Variants in MFSD8 observed in about 807,000 individuals in gnomAD.
The protein encoded by MFSD8 is major facilitator superfamily domain containing 8.
Under a neutral mutation model 66.4 loss-of-function variants are expected in MFSD8, and 55 were observed. That is an observed-to-expected ratio of 0.83 (90% CI 0.67 to 1.04). The LOEUF (loss-of-function observed/expected upper bound fraction) is 1.04. Ranked by LOEUF, MFSD8 falls within the 50% of genes least tolerant of loss-of-function variation. The pLI is 0.00. For missense variants in MFSD8, 550 were observed against 627.6 expected (o/e 0.88, Z 1.32); for synonymous variants, 202 against 212.8 (o/e 0.95, Z 0.44).
chr4:127,940,147 TG>T, intron 5 of MFSD8, 150 bp from the exon 6 acceptor site: 3 of 774,482 alleles, frequency 3.9e-6, no homozygotes, highest in South Asian at 1.8e-5. Flanking sequence ...TGGTTCTTGA[TG>T]GGGGGTCAAA....
At chr4:127,948,334 G>T (rs1056155120) in intron 3 of MFSD8, among the ~76,000 whole-genome samples, 22 of 152,104 alleles carry the variant, frequency 1.4e-4, no homozygotes, top group African/African-American at 5.3e-4. Context: ...GCAGCTTCCT[G>T]ATACGATCTC....
At chr4:127,935,100 C>T (rs186678431) in intron 7 of MFSD8, among the ~76,000 whole-genome samples, 28 of 152,158 alleles carry the variant, frequency 1.8e-4, no homozygotes, top group African/African-American at 6.7e-4. Context: ...AATTAAGCAC[C>T]TTGGATGCTC....
chr4:127,918,425 G>A lies in MFSD8; in HGVS notation c.*2205C>T, dbSNP rs983411960. On this transcript the variant is annotated 3_prime_UTR_variant, in exon 12 of 12. Transcript: ENST00000641686. ...AGGAAAGTAAGAGTCATTTGTGTAAGGTTAAGTTTATCTAAATTTTAATCA... is the reference window on the plus strand; with the variant it reads ...AGGAAAGTAAGAGTCATTTGTGTAAAGTTAAGTTTATCTAAATTTTAATCA... The A allele has an allele frequency of 6.6e-6, 1 of 151,964 alleles. No homozygotes were observed. The highest frequency in any genetic ancestry group is 1.5e-5 in the Non-Finnish European group (1 of 68,004). The allele number at this position is 151,964 out of a possible 1,614,324, so 9.4% of individuals were successfully genotyped here. A position where few individuals can be genotyped will look rare whatever the true frequency, so the allele number is the denominator to read the frequency against.
chr4:127,965,535 GA>G, upstream of MFSD8: 1 of 301,278 alleles, frequency 3.3e-6, no homozygotes. Context: ...TTGAGTCCTG[GA>G]AAGGGAGCCT....
intron 9 of MFSD8, among the ~76,000 whole-genome samples, chr4:127,925,852 A>G (rs1418360821): frequency 6.6e-6 from 1 of 152,264 alleles, no homozygotes; most frequent in East Asian, 1.9e-4. Flanking sequence ...ATGCCCATCA[A>G]TGACAGACTG....
At chr4:127,950,526 C>A (rs867488801) in intron 2 of MFSD8, among the ~76,000 whole-genome samples, 5 of 151,086 alleles carry the variant, frequency 3.3e-5, no homozygotes, top group Middle Eastern at 3.5e-3. Flanking sequence ...CCTGTCTCTA[C>A]TAAAAATATA....
At chr4:127,961,642 G>A (rs1743764253) in intron 1 of MFSD8, among the ~76,000 whole-genome samples, 1 of 151,824 alleles carries the variant, frequency 6.6e-6, no homozygotes, top group Admixed American at 6.6e-5. Context: ...GTGAAACCCC[G>A]TCTCTACTAA....
intron 2 of MFSD8, among the ~76,000 whole-genome samples, chr4:127,950,660 T>C (rs1378402696): frequency 6.6e-6 from 1 of 151,836 alleles, no homozygotes; most frequent in Non-Finnish European, 1.5e-5. Flanking sequence ...ACCACTGCAC[T>C]CCAGCATGGG....
At chr4:127,936,058 C>T (rs1032370321) in intron 7 of MFSD8, among the ~76,000 whole-genome samples, 2 of 151,250 alleles carry the variant, frequency 1.3e-5, no homozygotes, top group African/African-American at 2.5e-5. Context: ...ATGTTCTGTG[C>T]CATATTTGAA....
At chr4:127,964,015 T>C (rs1358736749) in intron 1 of MFSD8, among the ~76,000 whole-genome samples, 1 of 152,186 alleles carries the variant, frequency 6.6e-6, no homozygotes, top group Non-Finnish European at 1.5e-5. Context: ...GAGTGTCGAC[T>C]GGTGCATTCA....
chr4:127,959,504 G>T (rs1743402069), intron 1 of MFSD8, among the ~76,000 whole-genome samples: 1 of 152,126 alleles, frequency 6.6e-6, no homozygotes, highest in Admixed American at 6.5e-5. Flanking sequence ...ATTTCTAGTT[G>T]TAACAGTGAT....
At position 127,938,591 on chromosome 4, in the gene MFSD8, AAAAAT is replaced by A. The variant is rs1336602865; in HGVS notation, c.754+187_754+191del. Reference sequence around the variant, plus strand: ...GAGCGAAACTCTGTCTCAAAAAAAAAAAAATAAATAAATAAATAAATAAATAAATA... The same window carrying A: ...GAGCGAAACTCTGTCTCAAAAAAAAAAAATAAATAAATAAATAAATAAATA... On this transcript the variant is annotated intron_variant, in intron 7 of 11. Coordinates refer to ENST00000641686, the MANE Select transcript of MFSD8 (RefSeq NM_001371596.2). Among the ~76,000 whole-genome samples the A allele has an allele frequency of 3.6e-3, 500 of 138,264 alleles. 5 individuals are homozygous for A. Among genetic ancestry groups the A allele is most frequent in the African/African-American group, 0.015 (480 of 33,032 alleles). The allele number at this position is 138,264 out of a possible 152,430, so 90.7% of individuals were successfully genotyped here. A position where few individuals can be genotyped will look rare whatever the true frequency, so the allele number is the denominator to read the frequency against.
chr4:127,943,782 C>T lies in MFSD8; in HGVS notation c.409G>A (p.Val137Ile), dbSNP rs146479250. ...PASHNKYYML[V>I]ARGLLGIGAG... ...CCAATTCCCAACAATCCACGAGCAA[C>T]CAGCATGTAGTATTTATTATGAGAA... Residue 137 changes from valine (V) to isoleucine (I), a missense_variant, in exon 4 of 12, where the codon GTT becomes ATT. Physicochemically the swap from Val to Ile is conservative, Grantham distance 29 (BLOSUM62 3). Coordinates refer to ENST00000641686, the MANE Select transcript of MFSD8 (RefSeq NM_001371596.2). The T allele has an allele frequency of 1.7e-5, 28 of 1,613,956 alleles. No homozygotes were observed. In the African/African-American group the frequency reaches 3.1e-4, roughly 18 times the overall value.
rs1231848193 is a variant in MFSD8, at chr4:127,918,818, A to C, written c.*1812T>G. 1 of 152,222 alleles carries C rather than the reference A, an allele frequency of 6.6e-6. No homozygotes were observed. Among genetic ancestry groups the C allele is most frequent in the Non-Finnish European group, 1.5e-5 (1 of 68,044 alleles). 9.4% of individuals were successfully genotyped at this position (152,222 alleles called of 1,614,324 possible). On this transcript the variant is annotated 3_prime_UTR_variant, in exon 12 of 12. Coordinates refer to ENST00000641686, the MANE Select transcript of MFSD8 (RefSeq NM_001371596.2). Reference sequence around the variant, plus strand: ...AAATTGTATGTTACACATTACCTGGAATGTGGAAAGCACTCCACAAATTTT... The same window carrying C: ...AAATTGTATGTTACACATTACCTGGCATGTGGAAAGCACTCCACAAATTTT...
chr4:127,958,710 A>T (rs1353684613), intron 1 of MFSD8, among the ~76,000 whole-genome samples: 1 of 152,166 alleles, frequency 6.6e-6, no homozygotes, highest in Non-Finnish European at 1.5e-5. Flanking sequence ...TCAATATACT[A>T]GAATTTGAAT....
At chr4:127,959,307 A>AT (rs1437929965) in intron 1 of MFSD8, among the ~76,000 whole-genome samples, 2 of 152,234 alleles carry the variant, frequency 1.3e-5, no homozygotes, top group African/African-American at 4.8e-5. Flanking sequence ...AGGTCAAAGG[A>AT]TAGTTTTAGG....
intron 1 of MFSD8, among the ~76,000 whole-genome samples, chr4:127,957,958 C>G (rs1193324696): frequency 6.6e-6 from 1 of 152,130 alleles, no homozygotes; most frequent in Non-Finnish European, 1.5e-5. Flanking sequence ...ACTAGATCCC[C>G]CGTAGCTACT....
chr4:127,950,427 T>C (rs746545660), intron 2 of MFSD8, among the ~76,000 whole-genome samples: 2 of 152,218 alleles, frequency 1.3e-5, no homozygotes, highest in Admixed American at 6.6e-5. Flanking sequence ...CAGTGACTTA[T>C]GCCTGTAATC....
chr4:127,949,896 T>C lies in MFSD8; in HGVS notation c.155-49A>G, dbSNP rs752019809. 2.7e-6 allele frequency: 4 copies of C among 1,499,034 alleles called. No homozygotes were observed. The South Asian group carries it at 4.9e-5, about 18-fold the overall frequency. 92.9% of individuals were successfully genotyped at this position (1,499,034 alleles called of 1,614,324 possible). ...TTTATACTTATAATAATTTAATCAT[T>C]ATTACAGATACAATTTTCTGAACCG... On this transcript the variant is annotated intron_variant, in intron 2 of 11. Transcript: ENST00000641686.
Sources: allele counts gnomAD v4.1 joint callset (sites outside exome capture counted in the v4.1 genomes callset), GRCh38; gene constraint gnomAD v4.1.1; transcripts MANE v1.5; gene names NCBI Gene and HGNC (gene_info 2026-07-23, HGNC 2026-07-21).